Variants in STK32B observed in about 807,000 individuals in gnomAD.
STK32B encodes the protein serine/threonine kinase 32B, also known as serine/threonine-protein kinase 32B.
A neutral mutation model predicts 52.6 loss-of-function variants in STK32B; 43 were observed. That is an observed-to-expected ratio of 0.82 (90% CI 0.64 to 1.05). The LOEUF is 1.05. STK32B is among the 50% of genes least tolerant of loss of function. The probability of loss-of-function intolerance (pLI) is 0.00; values close to 1 mark genes in which losing one functional copy is unlikely to be tolerated. For synonymous variants in STK32B, 238 were observed against 204.3 expected (o/e 1.17, Z -1.41); for missense variants, 621 against 534.6 (o/e 1.16, Z -1.59).
intron 3 of STK32B, among the ~76,000 whole-genome samples, chr4:5,320,392 A>T (rs1731409337): frequency 6.6e-6 from 1 of 152,226 alleles, no homozygotes; most frequent in African/African-American, 2.4e-5. Flanking sequence ...AGGTTGAACC[A>T]TGTGAAATTG....
chr4:5,374,564 A>G (rs1345037365), intron 4 of STK32B, among the ~76,000 whole-genome samples: 1 of 152,196 alleles, frequency 6.6e-6, no homozygotes, highest in East Asian at 1.9e-4. Flanking sequence ...AAGACTGAAG[A>G]ATCAGTGTCT....
chr4:5,486,825 G>A (rs1041475356), intron 11 of STK32B, among the ~76,000 whole-genome samples: 1 of 152,190 alleles, frequency 6.6e-6, no homozygotes, highest in Admixed American at 6.5e-5. Flanking sequence ...CTTTAAGTAT[G>A]TCCAAAGAAC....
At chr4:5,060,221 C>A (rs1230638257) in intron 1 of STK32B, among the ~76,000 whole-genome samples, 1 of 152,210 alleles carries the variant, frequency 6.6e-6, no homozygotes, top group Non-Finnish European at 1.5e-5. Flanking sequence ...CTGCCTCAGC[C>A]TCCCTAAGTA....
chr4:5,345,517 A>G (rs1012103696), intron 4 of STK32B: 3 of 152,258 alleles, frequency 2.0e-5, no homozygotes, highest in Non-Finnish European at 2.9e-5. Flanking sequence ...ACATTAGACC[A>G]TAATGATAAC....
At chr4:5,490,327 G>T (rs1719611669) in intron 11 of STK32B, among the ~76,000 whole-genome samples, 1 of 151,940 alleles carries the variant, frequency 6.6e-6, no homozygotes, top group African/African-American at 2.4e-5. Flanking sequence ...GGCTGGCCTT[G>T]AACTCCTGAC....
chr4:5,239,333 C>T (rs991333068), intron 3 of STK32B, among the ~76,000 whole-genome samples: 6 of 152,080 alleles, frequency 3.9e-5, no homozygotes, highest in African/African-American at 1.4e-4. Flanking sequence ...GTGGAGGGAT[C>T]TCTAGGGGAA....
At chr4:5,375,311 C>T (rs1162527923) in intron 4 of STK32B, among the ~76,000 whole-genome samples, 2 of 152,176 alleles carry the variant, frequency 1.3e-5, no homozygotes, top group East Asian at 3.8e-4. Flanking sequence ...CCTAGAGCCC[C>T]CACACTGACC....
At chr4:5,107,052 C>T (rs1223370771) in intron 1 of STK32B, among the ~76,000 whole-genome samples, 1 of 152,158 alleles carries the variant, frequency 6.6e-6, no homozygotes, top group African/African-American at 2.4e-5. Flanking sequence ...GCAGGTGAAG[C>T]TTCATCTGTA....
chr4:5,159,365 G>A (rs1718135260), intron 2 of STK32B, among the ~76,000 whole-genome samples: 1 of 151,568 alleles, frequency 6.6e-6, no homozygotes, highest in African/African-American at 2.4e-5. Flanking sequence ...AAGTTGAACT[G>A]AGGTACTGAA....
In STK32B at chr4:5,248,115, A is replaced by G. The variant is rs9990828; in HGVS notation, c.260+79665A>G. Among the ~76,000 whole-genome samples, 541 of 152,262 alleles carry G rather than the reference A, an allele frequency of 3.6e-3. 4 individuals are homozygous for G. The highest frequency in any genetic ancestry group is 0.016 in the South Asian group (75 of 4,818). ...ATAGTGGGTGTTTTCAGGATATGCAATTTGCCATATTGCTGAGGTCCTAGT... is the reference window on the plus strand; with the variant it reads ...ATAGTGGGTGTTTTCAGGATATGCAGTTTGCCATATTGCTGAGGTCCTAGT... On this transcript the variant is annotated intron_variant, in intron 3 of 11. Transcript: ENST00000282908.
At chr4:5,393,791 C>G (rs1192609441) in intron 4 of STK32B, among the ~76,000 whole-genome samples, 1 of 152,114 alleles carries the variant, frequency 6.6e-6, no homozygotes, top group Non-Finnish European at 1.5e-5. Flanking sequence ...GAACACAGAT[C>G]CAAACCCTAT....
intron 3 of STK32B, among the ~76,000 whole-genome samples, chr4:5,193,065 C>T (rs138929508): frequency 6.6e-6 from 1 of 152,156 alleles, no homozygotes; most frequent in South Asian, 2.1e-4. Context: ...GAAGAGGAAC[C>T]CCGGCCACTG....
chr4:5,392,296 C>T (rs1167578775), intron 4 of STK32B, among the ~76,000 whole-genome samples: 1 of 152,068 alleles, frequency 6.6e-6, no homozygotes, highest in Non-Finnish European at 1.5e-5. Flanking sequence ...TGTGGTGGTG[C>T]ACGCCTGTAA....
chr4:5,418,357 A>G (rs971394837), intron 6 of STK32B, among the ~76,000 whole-genome samples: 1 of 152,212 alleles, frequency 6.6e-6, no homozygotes, highest in South Asian at 2.1e-4. Context: ...TTAATATATC[A>G]TATGCATGAG....
intron 1 of STK32B, among the ~76,000 whole-genome samples, chr4:5,064,130 C>T (rs1742318976): frequency 6.6e-6 from 1 of 151,558 alleles, no homozygotes; most frequent in Admixed American, 6.6e-5. Context: ...CTGTTGACAT[C>T]ATAAATGCCT....
intron 7 of STK32B, among the ~76,000 whole-genome samples, chr4:5,447,755 C>G (rs145027229): frequency 2.0e-5 from 3 of 152,174 alleles, no homozygotes; most frequent in African/African-American, 7.2e-5. Context: ...ATTGTTATAA[C>G]GGGGATAATA....
intron 3 of STK32B, among the ~76,000 whole-genome samples, chr4:5,190,166 A>C (rs1721066210): frequency 6.6e-6 from 1 of 152,156 alleles, no homozygotes; most frequent in Non-Finnish European, 1.5e-5. Context: ...TGACTAAAAA[A>C]CTGGGATTTT....
intron 4 of STK32B, among the ~76,000 whole-genome samples, chr4:5,334,183 G>A (rs1577360787): frequency 6.6e-6 from 1 of 151,888 alleles, no homozygotes; most frequent in Non-Finnish European, 1.5e-5. Context: ...TCCTTGAAGA[G>A]GTCCTTCATG....
intron 11 of STK32B, among the ~76,000 whole-genome samples, chr4:5,473,091 A>G (rs531813183): frequency 6.6e-6 from 1 of 152,290 alleles, no homozygotes; most frequent in Admixed American, 6.5e-5. Context: ...AAGAAATATC[A>G]TTGGTATTCT....
Sources: allele counts gnomAD v4.1 joint callset (sites outside exome capture counted in the v4.1 genomes callset), GRCh38; gene constraint gnomAD v4.1.1; transcripts MANE v1.5; gene names NCBI Gene and HGNC (gene_info 2026-07-23, HGNC 2026-07-21).